PRELID2: variants seen among roughly 807,000 people sequenced by gnomAD.
The protein encoded by PRELID2 is PRELI domain containing 2.
PRELID2 carries 25 observed loss-of-function variants against 28.4 expected under a neutral mutation model. The observed-to-expected ratio is 0.88, with a 90% CI of 0.64 to 1.23. The LOEUF (loss-of-function observed/expected upper bound fraction) is 1.23. Among genes scored for constraint, PRELID2 ranks in the 50% most tolerant of loss-of-function variants. PRELID2 has a pLI of 0.00. For missense variants in PRELID2, 201 were observed against 214.4 expected, an observed-to-expected ratio of 0.94 and a Z score of 0.39; for synonymous variants, 76 against 71.6, an observed-to-expected ratio of 1.06 and a Z score of -0.31.
the PRELID2 span, among the ~76,000 whole-genome samples, chr5:145,347,786 T>C: frequency 6.6e-6 from 1 of 152,118 alleles, no homozygotes; most frequent in Non-Finnish European, 1.5e-5. Flanking sequence ...ATGTTAATAA[T>C]AGGGGTAACT....
intron 2 of PRELID2, 92 bp from the exon 3 acceptor site, chr5:145,820,110 TTTTTTGTTTTTTG>T: frequency 1.7e-6 from 1 of 582,854 alleles, no homozygotes; most frequent in Non-Finnish European, 2.8e-6. Context: ...GGTTTTTTTG[TTTTTTGTTTTTTG>T]TTTTTTTTTT....
At chr5:145,532,312 T>G (rs542492565) in intron 1 of PRELID2, among the ~76,000 whole-genome samples, 1 of 152,204 alleles carries the variant, frequency 6.6e-6, no homozygotes, top group Non-Finnish European at 1.5e-5. Context: ...TGTAAGACTC[T>G]TTTTTCTTTT....
At chr5:145,469,085 A>C (rs888043723), downstream of PRELID2, among the ~76,000 whole-genome samples, 1 of 152,158 alleles carries the variant, frequency 6.6e-6, no homozygotes, top group African/African-American at 2.4e-5. Flanking sequence ...TAGAAAAGTA[A>C]GGTGTGGCAG....
the PRELID2 span, among the ~76,000 whole-genome samples, chr5:145,417,205 T>C: frequency 5.9e-5 from 9 of 152,128 alleles, no homozygotes; most frequent in South Asian, 2.1e-4. Flanking sequence ...CAGGAAGAAA[T>C]TGAATCCCCA....
rs114190844 is a variant in PRELID2, at chr5:145,551,440, A to G, written n.71-78125T>C. 2.8e-3 allele frequency among the ~76,000 whole-genome samples: 423 copies of G among 150,694 alleles called. 4 individuals are homozygous for G. The highest frequency in any genetic ancestry group is 9.3e-3 in the African/African-American group (381 of 41,088). On this transcript the variant is annotated intron_variant and non_coding_transcript_variant, in intron 1 of 2. Transcript: ENST00000510259. ...AATAAATAAATAAATAAATAAATAA[A>G]CCTGCTTAACAACTATTAGAAAAAC...
chr5:145,403,454 G>A, the PRELID2 span, among the ~76,000 whole-genome samples: 2 of 152,182 alleles, frequency 1.3e-5, no homozygotes. Context: ...CTTCCCCCAT[G>A]CACAGTAGCC....
chr5:145,751,393 A>ACCAGCAGAT (rs1757119767), downstream of PRELID2, among the ~76,000 whole-genome samples: 1 of 152,208 alleles, frequency 6.6e-6, no homozygotes, highest in Non-Finnish European at 1.5e-5. Flanking sequence ...CCAGATCCCT[A>ACCAGCAGAT]CCAGCAGAAC....
intron 1 of PRELID2, among the ~76,000 whole-genome samples, chr5:145,526,819 T>G (rs555731014): frequency 1.3e-5 from 2 of 152,296 alleles, no homozygotes; most frequent in Non-Finnish European, 2.9e-5. Context: ...AAAGATGACT[T>G]CTGTTTTTTG....
At chr5:145,481,298 T>G (rs1011757464) in intron 1 of PRELID2, among the ~76,000 whole-genome samples, 2 of 151,546 alleles carry the variant, frequency 1.3e-5, no homozygotes, top group African/African-American at 4.9e-5. Context: ...TTCTTTTAAC[T>G]TTTAATTCTT....
At chr5:145,263,382 T>C in the PRELID2 span, among the ~76,000 whole-genome samples, 1 of 152,054 alleles carries the variant, frequency 6.6e-6, no homozygotes, top group East Asian at 1.9e-4. Flanking sequence ...GCAGAATGTA[T>C]CTTATTTTCA....
At chr5:145,671,025 T>G (rs1242647885) in intron 1 of PRELID2, among the ~76,000 whole-genome samples, 1 of 152,186 alleles carries the variant, frequency 6.6e-6, no homozygotes, top group Non-Finnish European at 1.5e-5. Context: ...GATATTGATT[T>G]CACAAGATTT....
chr5:145,333,760 C>G, the PRELID2 span, among the ~76,000 whole-genome samples: 3 of 148,744 alleles, frequency 2.0e-5, no homozygotes, highest in Non-Finnish European at 3.0e-5. Context: ...GCTTCAGCCC[C>G]CTTTTAAGGG....
chr5:145,702,191 G>T (rs1755425395), intron 1 of PRELID2, among the ~76,000 whole-genome samples: 2 of 151,796 alleles, frequency 1.3e-5, no homozygotes, highest in Admixed American at 6.6e-5. Context: ...TTATAAAAAG[G>T]ATATTTTCAT....
chr5:145,448,396 C>T, the PRELID2 span, among the ~76,000 whole-genome samples: 11 of 151,912 alleles, frequency 7.2e-5, no homozygotes, highest in Non-Finnish European at 7.4e-5. Context: ...GAGTAGGTTG[C>T]GAAAATTTTC....
At chr5:145,668,475 G>A (rs1190394599) in intron 1 of PRELID2, among the ~76,000 whole-genome samples, 1 of 151,664 alleles carries the variant, frequency 6.6e-6, no homozygotes, top group Non-Finnish European at 1.5e-5. Flanking sequence ...CTGTTTATTT[G>A]CTTCCAAACA....
At chr5:145,808,870 G>A (rs987258803) in intron 4 of PRELID2, among the ~76,000 whole-genome samples, 1 of 148,526 alleles carries the variant, frequency 6.7e-6, no homozygotes, top group African/African-American at 2.4e-5. Flanking sequence ...GGCAACAGAG[G>A]GACCCTGTCT....
At chr5:145,720,709 G>C (rs1755964727) in intron 1 of PRELID2, among the ~76,000 whole-genome samples, 1 of 151,504 alleles carries the variant, frequency 6.6e-6, no homozygotes, top group African/African-American at 2.4e-5. Flanking sequence ...TTAGATTTAA[G>C]ACTAAAACAG....
chr5:145,453,604 A>G, the PRELID2 span, among the ~76,000 whole-genome samples: 21 of 152,042 alleles, frequency 1.4e-4, no homozygotes, highest in Non-Finnish European at 2.5e-4. Flanking sequence ...CTCCAATGTT[A>G]TCTCACCCCT....
At chr5:145,677,384 A>C (rs1754841955) in intron 1 of PRELID2, among the ~76,000 whole-genome samples, 1 of 152,014 alleles carries the variant, frequency 6.6e-6, no homozygotes, top group African/African-American at 2.4e-5. Context: ...CCAACTATGG[A>C]CCTCAAGTGA....
Sources: allele counts gnomAD v4.1 joint callset (sites outside exome capture counted in the v4.1 genomes callset), GRCh38; gene constraint gnomAD v4.1.1; transcripts MANE v1.5; gene names NCBI Gene and HGNC (gene_info 2026-07-23, HGNC 2026-07-21).